COG4: variants seen among roughly 807,000 people sequenced by gnomAD.
COG4 encodes the protein component of oligomeric golgi complex 4.
COG4 carries 65 observed loss-of-function variants against 95.1 expected under a neutral mutation model. The observed-to-expected ratio is 0.68, with a 90% CI of 0.56 to 0.84. The LOEUF is 0.84. Ranked by LOEUF, COG4 falls within the 40% of genes least tolerant of loss-of-function variation. The pLI is 0.00. For synonymous variants in COG4, 421 were observed against 374.8 expected (o/e 1.12, Z -1.42); for missense variants, 1,045 against 989.1 (o/e 1.06, Z -0.76).
intron 4 of COG4, among the ~76,000 whole-genome samples, chr16:70,513,702 A>G (rs1379285596): frequency 6.6e-6 from 1 of 152,230 alleles, no homozygotes; most frequent in Non-Finnish European, 1.5e-5. Flanking sequence ...ACAAGATTTT[A>G]TCACACTACT....
intron 8 of COG4, among the ~76,000 whole-genome samples, chr16:70,506,008 T>C (rs2049558390): frequency 1.3e-5 from 2 of 151,240 alleles, no homozygotes; most frequent in South Asian, 4.2e-4. Context: ...TGGCCGGGTA[T>C]GGTGGCTCAT....
At position 70,523,517 on chromosome 16, in the gene COG4, A is replaced by G. The variant is rs374184521; in HGVS notation, c.27T>C (p.Asp9=). The change falls in exon 1 of 19, where the codon GAT becomes GAC. Residue 9 remains aspartate, a synonymous_variant. Coordinates refer to ENST00000323786, the MANE Select transcript of COG4 (RefSeq NM_015386.3). The part of the protein sequence containing the change: MGTKMADL[D]SPPKLSGVQQ... The stretch of plus-strand genomic sequence containing the variant: ...GCACCCCTGACAGCTTCGGAGGCGA[A>G]TCAAGGTCCGCCATCTTGGTCCCCA... 6.2e-7 allele frequency: 1 copy of G among 1,614,002 alleles called. No homozygotes were observed. The highest frequency in any genetic ancestry group is 8.5e-7 in the Non-Finnish European group (1 of 1,180,026).
At chr16:70,485,166 T>C (rs1295912913) in intron 13 of COG4, among the ~76,000 whole-genome samples, 1 of 150,872 alleles carries the variant, frequency 6.6e-6, no homozygotes, top group Non-Finnish European at 1.5e-5. Flanking sequence ...GCCCAGGAGT[T>C]CAAGACCAGC....
chr16:70,502,933 T>G (rs11645585), intron 8 of COG4, among the ~76,000 whole-genome samples: 85,853 of 152,100 alleles, frequency 0.56, 27,212 homozygotes, highest in African/African-American at 0.87. Context: ...GGTCTTTTCA[T>G]CAAATTGTGC....
chr16:70,488,202 C>G (rs1203228072), intron 13 of COG4, among the ~76,000 whole-genome samples: 2 of 151,694 alleles, frequency 1.3e-5, no homozygotes, highest in African/African-American at 2.4e-5. Flanking sequence ...GGCGTGATCT[C>G]GACTCACTGC....
At chr16:70,503,616 A>C in intron 8 of COG4, among the ~76,000 whole-genome samples, 1 of 109,080 alleles carries the variant, frequency 9.2e-6, no homozygotes, top group Non-Finnish European at 1.5e-5. Context: ...TTTTTTTGAG[A>C]CGGAGTCTCA....
chr16:70,523,235 C>G, intron 1 of COG4, 138 bp downstream of exon 1: 2 of 1,046,396 alleles, frequency 1.9e-6, no homozygotes, highest in Non-Finnish European at 1.5e-6. Flanking sequence ...CTCATATACC[C>G]GACTAGCTTC....
intron 1 of COG4, among the ~76,000 whole-genome samples, chr16:70,522,286 C>A (rs1348395395): frequency 6.6e-6 from 1 of 152,126 alleles, no homozygotes; most frequent in South Asian, 2.1e-4. Context: ...TGAGCCACCG[C>A]GCCCCGCAAG....
At chr16:70,507,304 G>A (rs776527724) in intron 8 of COG4, among the ~76,000 whole-genome samples, 1 of 151,862 alleles carries the variant, frequency 6.6e-6, no homozygotes, top group South Asian at 2.1e-4. Context: ...ACACAAGAGG[G>A]TTCCCATAAT....
intron 5 of COG4, among the ~76,000 whole-genome samples, chr16:70,510,456 G>A (rs2049677376): frequency 1.3e-5 from 2 of 152,116 alleles, no homozygotes; most frequent in South Asian, 4.1e-4. Flanking sequence ...CTGAGTAGCT[G>A]GAACTATAGG....
chr16:70,496,609 C>T (rs924515792), intron 11 of COG4, among the ~76,000 whole-genome samples, 178 bp from the exon 12 acceptor site: 1 of 152,112 alleles, frequency 6.6e-6, no homozygotes, highest in Non-Finnish European at 1.5e-5. Flanking sequence ...ACCAGCACCC[C>T]GTCAAGGACA....
In COG4 at chr16:70,512,238, C is replaced by T. The variant is rs1244666660; in HGVS notation, c.738+1G>A. ...TCCTGCCAAGCAATCAGGGTCCATACCTGCTTGCAAAGGTACTCCGAGAAC... is the reference window on the plus strand; with the variant it reads ...TCCTGCCAAGCAATCAGGGTCCATATCTGCTTGCAAAGGTACTCCGAGAAC... On this transcript the variant is annotated splice_donor_variant, in intron 5 of 18. Coordinates refer to ENST00000323786, the MANE Select transcript of COG4 (RefSeq NM_015386.3). LOFTEE classifies it high-confidence loss of function. 6 of 1,614,124 alleles carry T rather than the reference C, an allele frequency of 3.7e-6. No homozygotes were observed. In the South Asian group the frequency reaches 6.6e-5, roughly 18 times the overall value.
intron 12 of COG4, among the ~76,000 whole-genome samples, chr16:70,491,151 C>T (rs2049235480): frequency 6.6e-6 from 1 of 152,116 alleles, no homozygotes; most frequent in Non-Finnish European, 1.5e-5. Context: ...CTCATGGAGT[C>T]TGCTAAATAC....
intron 8 of COG4, among the ~76,000 whole-genome samples, chr16:70,503,558 A>G (rs1363451630): frequency 2.0e-5 from 3 of 149,586 alleles, no homozygotes; most frequent in Non-Finnish European, 4.4e-5. Context: ...TCCTTGCTCT[A>G]TCTGGAATAC....
intron 2 of COG4, among the ~76,000 whole-genome samples, chr16:70,518,408 G>T (rs1446108072): frequency 6.6e-6 from 1 of 152,060 alleles, no homozygotes; most frequent in East Asian, 1.9e-4. Context: ...ACTCAGGCTA[G>T]AATGCAGTGG....
At position 70,517,674 on chromosome 16, in the gene COG4, G is replaced by T. The variant is rs2049852255; in HGVS notation, c.321C>A (p.Asn107Lys). ...CTTTGCTGGACACATTCTCAGCCAG[G>T]TTGCAGGTAAAGGTGATCATTCCAG... Reference protein sequence around the residue: ...QLAGMITFTCNLAENVSSKVR... With the variant: ...QLAGMITFTCKLAENVSSKVR... The change falls in exon 3 of 19, where the codon AAC becomes AAA. Residue 107 changes from asparagine to lysine, a missense_variant. Coordinates refer to ENST00000323786, the MANE Select transcript of COG4 (RefSeq NM_015386.3). 2 of 1,613,168 alleles carry T rather than the reference G, an allele frequency of 1.2e-6. No homozygotes were observed. The highest frequency in any genetic ancestry group is 1.3e-5 in the African/African-American group (1 of 74,750).
intron 13 of COG4, among the ~76,000 whole-genome samples, chr16:70,486,861 TGGCG>T (rs2049146709): frequency 6.6e-6 from 1 of 152,038 alleles, no homozygotes; most frequent in Non-Finnish European, 1.5e-5. Context: ...CTAGGTGTGG[TGGCG>T]CACACCTGTA....
intron 12 of COG4, among the ~76,000 whole-genome samples, chr16:70,495,568 G>A (rs1336830444): frequency 6.6e-6 from 1 of 152,110 alleles, no homozygotes; most frequent in African/African-American, 2.4e-5. Flanking sequence ...CAATGTGGGG[G>A]ATGGAGCAGA....
chr16:70,482,838 T>G lies in COG4; in HGVS notation c.1828-17A>C, dbSNP rs1236931648. 3.7e-6 allele frequency: 6 copies of G among 1,604,716 alleles called. No homozygotes were observed. The South Asian group carries it at 6.6e-5, about 18-fold the overall frequency. ...CAGCCCTTCCTGCACAAGGACAAGGTGGAGACATGTGACACAGAAGGCACG... is the reference window on the plus strand; with the variant it reads ...CAGCCCTTCCTGCACAAGGACAAGGGGGAGACATGTGACACAGAAGGCACG... On this transcript the variant is annotated splice_polypyrimidine_tract_variant and intron_variant, in intron 14 of 18. Transcript: ENST00000323786.
Sources: allele counts gnomAD v4.1 joint callset (sites outside exome capture counted in the v4.1 genomes callset), GRCh38; gene constraint gnomAD v4.1.1; transcripts MANE v1.5; gene names NCBI Gene and HGNC (gene_info 2026-07-23, HGNC 2026-07-21).